The following HMOX2 variants were observed in gnomAD, a reference collection of about 807,000 sequenced individuals.
HMOX2 encodes heme oxygenase 2.
Under a neutral mutation model 33.7 loss-of-function variants are expected in HMOX2, and 30 were observed. The ratio of observed to expected loss-of-function variants is 0.89; its 90% confidence interval spans 0.67 to 1.21. The LOEUF is 1.21. Ranked by LOEUF, HMOX2 falls within the 50% of genes most tolerant of loss-of-function variation. The probability of loss-of-function intolerance (pLI) is 0.00; values close to 1 mark genes in which losing one functional copy is unlikely to be tolerated. For synonymous variants in HMOX2, 155 were observed against 155.0 expected, an observed-to-expected ratio of 1.00 and a Z score of 0.00; for missense variants, 403 against 399.1, an observed-to-expected ratio of 1.01 and a Z score of -0.08.
At chr16:4,497,185 A>G (rs2058442682) in intron 1 of HMOX2, among the ~76,000 whole-genome samples, 1 of 152,090 alleles carries the variant, frequency 6.6e-6, no homozygotes, top group South Asian at 2.1e-4. Flanking sequence ...ACAGGTGACA[A>G]TTTTTGTGCC....
At chr16:4,477,691 G>T (rs1366030160) in intron 1 of HMOX2, among the ~76,000 whole-genome samples, 1 of 151,778 alleles carries the variant, frequency 6.6e-6, no homozygotes, top group African/African-American at 2.4e-5. Flanking sequence ...GGCCGAGGCA[G>T]GCGGATCACC....
At chr16:4,489,000 A>T (rs752387141) in intron 1 of HMOX2, among the ~76,000 whole-genome samples, 3 of 151,672 alleles carry the variant, frequency 2.0e-5, no homozygotes, top group Non-Finnish European at 4.4e-5. Context: ...TAATTTTTGT[A>T]GTTTTTTTGT....
At chr16:4,477,824 G>A (rs1307730366) in intron 1 of HMOX2, among the ~76,000 whole-genome samples, 1 of 152,174 alleles carries the variant, frequency 6.6e-6, no homozygotes, top group Non-Finnish European at 1.5e-5. Context: ...GGGAGTTTGA[G>A]GTTGGAGGAT....
At chr16:4,481,720 C>T (rs551057137) in intron 1 of HMOX2, 16 of 152,296 alleles carry the variant, frequency 1.1e-4, no homozygotes, top group African/African-American at 3.4e-4. Flanking sequence ...AGTCACAGTA[C>T]TCAAGAGGGT....
At chr16:4,483,998 G>A (rs550121393) in intron 1 of HMOX2, among the ~76,000 whole-genome samples, 2 of 114,972 alleles carry the variant, frequency 1.7e-5, no homozygotes, top group African/African-American at 7.1e-5. Flanking sequence ...TTTTTGAGAC[G>A]GAGTCTTGCT....
intron 1 of HMOX2, among the ~76,000 whole-genome samples, chr16:4,479,926 A>G (rs1183646490): frequency 2.0e-5 from 3 of 151,314 alleles, no homozygotes; most frequent in Admixed American, 6.6e-5. Context: ...TTTAGTAGAG[A>G]TGAGGTTTCA....
At chr16:4,503,724 A>G (rs548506513) in intron 1 of HMOX2, among the ~76,000 whole-genome samples, 38 of 152,352 alleles carry the variant, frequency 2.5e-4, no homozygotes, top group African/African-American at 7.2e-4. Context: ...TGAGCAAACC[A>G]TGTACTATAA....
At position 4,510,267 on chromosome 16, in the gene HMOX2, C is replaced by T. The variant is rs148100148; in HGVS notation, c.*511C>T. ...CAGAATCCCTCTAACCCCTTGGGTG[C>T]GGTTTGCTCAGCCCCAGCTTATCTC... On this transcript the variant is annotated 3_prime_UTR_variant, in exon 6 of 6. Coordinates refer to ENST00000570646, the MANE Select transcript of HMOX2 (RefSeq NM_002134.4). The T allele has an allele frequency of 3.5e-3, 578 of 163,754 alleles. 3 individuals are homozygous for T. Among genetic ancestry groups the T allele is most frequent in the African/African-American group, 0.013 (552 of 41,864 alleles). The allele number at this position is 163,754 out of a possible 1,614,324, so 10.1% of individuals were successfully genotyped here. A position where few individuals can be genotyped will look rare whatever the true frequency, so the allele number is the denominator to read the frequency against.
At chr16:4,496,975 G>T (rs1289340777) in intron 1 of HMOX2, among the ~76,000 whole-genome samples, 2 of 151,988 alleles carry the variant, frequency 1.3e-5, no homozygotes, top group Non-Finnish European at 2.9e-5. Context: ...GAGATTATAG[G>T]TGTGAGCTAC....
intron 1 of HMOX2, among the ~76,000 whole-genome samples, chr16:4,491,836 A>C (rs1273377125): frequency 6.6e-6 from 1 of 151,844 alleles, no homozygotes; most frequent in Admixed American, 6.6e-5. Flanking sequence ...GGCGCATGCC[A>C]TCACATCTGG....
intron 3 of HMOX2, among the ~76,000 whole-genome samples, chr16:4,507,486 A>G (rs1046629491): frequency 6.6e-6 from 1 of 152,100 alleles, no homozygotes; most frequent in African/African-American, 2.4e-5. Context: ...GCTTAGATAG[A>G]ATAACATAGT....
chr16:4,505,917 G>T (rs1235571654), intron 2 of HMOX2, among the ~76,000 whole-genome samples: 1 of 152,140 alleles, frequency 6.6e-6, no homozygotes, highest in African/African-American at 2.4e-5. Context: ...CTGAGAAAGG[G>T]TAAACGCAGG....
intron 1 of HMOX2, among the ~76,000 whole-genome samples, chr16:4,505,015 T>C (rs546427066): frequency 3.5e-4 from 53 of 152,268 alleles, no homozygotes; most frequent in African/African-American, 1.3e-3. Flanking sequence ...GTAAGAATAG[T>C]ACAAAGAACT....
chr16:4,481,366 G>GA (rs1316341586), intron 1 of HMOX2, among the ~76,000 whole-genome samples: 1 of 133,200 alleles, frequency 7.5e-6, no homozygotes, highest in East Asian at 2.3e-4. Flanking sequence ...AAAAAAAAAA[G>GA]AAAAAAATAA....
chr16:4,507,966 C>G lies in HMOX2; in HGVS notation c.458C>G (p.Ala153Gly), dbSNP rs1195427961. The change falls in exon 4 of 6, where the codon GCA becomes GGA. Residue 153 changes from alanine (A) to glycine (G), a missense_variant. Transcript: ENST00000570646. ...QNEPELLVAH[A>G]YTRYMGDLSG... ...GAGCCGGAGCTACTGGTGGCCCATGCATACACCCGCTACATGGGGGATCTC... is the reference window on the plus strand; with the variant it reads ...GAGCCGGAGCTACTGGTGGCCCATGGATACACCCGCTACATGGGGGATCTC... 1 of 1,613,886 alleles carries G rather than the reference C, an allele frequency of 6.2e-7. No individual in the cohort carries two copies.
rs142279270 is a variant in HMOX2 at position 4,486,793 on chromosome 16, C to A, written c.-42+10306C>A. Among the ~76,000 whole-genome samples, 497 of 152,310 alleles carry A rather than the reference C, an allele frequency of 3.3e-3. 5 individuals are homozygous for A. The highest frequency in any genetic ancestry group is 0.011 in the African/African-American group (476 of 41,572). On this transcript the variant is annotated intron_variant, in intron 1 of 5. Transcript: ENST00000570646. ...AGCCAGCAAATGTTTAATTGAATAT[C>A]TTATGTCTCCTAGACCACAGCTGAG...
At position 4,484,540 on chromosome 16, in the gene HMOX2, A is replaced by C. The variant is rs2058118309; in HGVS notation, c.-42+8053A>C. Among the ~76,000 whole-genome samples, 2 of 146,512 alleles carry C rather than the reference A, an allele frequency of 1.4e-5. 1 individual carries two copies. The highest frequency in any genetic ancestry group is 1.4e-4 in the Admixed American group (2 of 14,298). On this transcript the variant is annotated intron_variant, in intron 1 of 5. Transcript: ENST00000570646. Reference sequence around the variant, plus strand: ...CAGTGGTACGATTTCGGCTCACTGCAATCTCCACCTCCCGGGTTCAAATGA... The same window carrying C: ...CAGTGGTACGATTTCGGCTCACTGCCATCTCCACCTCCCGGGTTCAAATGA...
chr16:4,488,338 C>G (rs1048025313), intron 1 of HMOX2, among the ~76,000 whole-genome samples: 1 of 152,068 alleles, frequency 6.6e-6, no homozygotes, highest in Non-Finnish European at 1.5e-5. Flanking sequence ...TGATGTTTGA[C>G]CAGTTCTGGG....
intron 1 of HMOX2, among the ~76,000 whole-genome samples, chr16:4,491,489 A>C (rs1004693016): frequency 4.3e-4 from 65 of 151,860 alleles, no homozygotes; most frequent in African/African-American, 1.5e-3. Flanking sequence ...ATCTCTACAA[A>C]AAATACCAAA....
Sources: gnomAD v4.1 joint callset for allele counts (sites outside exome capture counted in the v4.1 genomes callset) on GRCh38, gnomAD v4.1.1 for gene constraint, MANE v1.5 for transcripts, NCBI Gene and HGNC (gene_info 2026-07-23, HGNC 2026-07-21) for gene names.